The following MAP3K13 variants were observed in gnomAD, a reference collection of about 807,000 sequenced individuals.
MAP3K13 encodes the protein mitogen-activated protein kinase kinase kinase 13.
MAP3K13 carries 52 observed loss-of-function variants against 104.0 expected under a neutral mutation model. That is an observed-to-expected ratio of 0.50 (90% CI 0.40 to 0.63). The LOEUF (loss-of-function observed/expected upper bound fraction) is 0.63. MAP3K13 is among the 20% of genes least tolerant of loss of function. The pLI is 0.00. For synonymous variants in MAP3K13, 394 were observed against 442.2 expected (o/e 0.89, Z 1.37); for missense variants, 914 against 1,218.5 (o/e 0.75, Z 3.72).
At chr3:185,303,729 A>C (rs1179979424) in intron 2 of MAP3K13, among the ~76,000 whole-genome samples, 1 of 151,966 alleles carries the variant, frequency 6.6e-6, no homozygotes, top group African/African-American at 2.4e-5. Flanking sequence ...TAGTCTAGCT[A>C]AGGATTTGTC....
At chr3:185,314,672 A>G (rs1721613481) in intron 2 of MAP3K13, among the ~76,000 whole-genome samples, 1 of 151,928 alleles carries the variant, frequency 6.6e-6, no homozygotes, top group South Asian at 2.1e-4. Flanking sequence ...AAGCTGGAGT[A>G]CAGTGCTGCA....
chr3:185,388,602 A>G (rs944862626), intron 1 of MAP3K13, among the ~76,000 whole-genome samples: 1 of 152,210 alleles, frequency 6.6e-6, no homozygotes, highest in African/African-American at 2.4e-5. Context: ...AAAAATGGCC[A>G]TATTACCCAA....
chr3:185,285,094 A>C (rs2108665622), intron 1 of MAP3K13, among the ~76,000 whole-genome samples: 1 of 152,180 alleles, frequency 6.6e-6, no homozygotes, highest in South Asian at 2.1e-4. Context: ...TAGATGTAAA[A>C]ATCTAAGATG....
chr3:185,292,475 G>A lies in MAP3K13; in HGVS notation c.-86+6832G>A, dbSNP rs530419692. The A allele has an allele frequency of 4.8e-5, 9 of 188,480 alleles. No individual in the cohort carries two copies. In the South Asian group the frequency reaches 1.6e-3, roughly 34 times the overall value. 11.7% of individuals were successfully genotyped at this position (188,480 alleles called of 1,614,324 possible). Reference sequence around the variant, plus strand: ...TTCGTACTAGGTATATGGTAACTGAGAAAGTCACTTAACCTCTCTGAACCT... The same window carrying A: ...TTCGTACTAGGTATATGGTAACTGAAAAAGTCACTTAACCTCTCTGAACCT... On this transcript the variant is annotated intron_variant, in intron 2 of 14. Coordinates refer to the MAP3K13 transcript ENST00000424227.
intron 1 of MAP3K13, among the ~76,000 whole-genome samples, chr3:185,380,270 T>C (rs1315205402): frequency 5.3e-5 from 8 of 150,770 alleles, no homozygotes; most frequent in Non-Finnish European, 1.2e-4. Context: ...CCCAGCACTT[T>C]GGGAAGCCAA....
chr3:185,375,664 G>T (rs540713209), intron 1 of MAP3K13, among the ~76,000 whole-genome samples: 1 of 152,294 alleles, frequency 6.6e-6, no homozygotes, highest in Non-Finnish European at 1.5e-5. Flanking sequence ...AAGTTGGAAC[G>T]CTAGCTGCTT....
chr3:185,308,997 G>A (rs1721401630), intron 2 of MAP3K13, among the ~76,000 whole-genome samples: 1 of 152,078 alleles, frequency 6.6e-6, no homozygotes, highest in Admixed American at 6.6e-5. Flanking sequence ...AATGAGGTCT[G>A]GGGATTCCTA....
chr3:185,411,299 G>A (rs919491006), intron 1 of MAP3K13, among the ~76,000 whole-genome samples: 3 of 152,130 alleles, frequency 2.0e-5, no homozygotes, highest in African/African-American at 4.8e-5. Flanking sequence ...CAGAATGTAC[G>A]TCACAAAACC....
At position 185,418,579 on chromosome 3, in the gene MAP3K13, C is replaced by G. The variant is rs754154458; in HGVS notation, c.-85-9918C>G. 164 of 1,612,226 alleles carry G rather than the reference C, an allele frequency of 1.0e-4. No homozygotes were observed. The highest frequency in any genetic ancestry group is 1.3e-4 in the Non-Finnish European group (151 of 1,179,796). On this transcript the variant is annotated intron_variant, in intron 1 of 13. Coordinates refer to ENST00000265026, the MANE Select transcript of MAP3K13 (RefSeq NM_004721.5). The surrounding 1 kb of genome is among the most constrained non-coding windows in gnomAD (Gnocchi z 4.5). ...TCGAGCCATAGCTCTGCCAGTACCCCAAGACTCAGCACTGGTCTGATGACC... is the reference window on the plus strand; with the variant it reads ...TCGAGCCATAGCTCTGCCAGTACCCGAAGACTCAGCACTGGTCTGATGACC...
chr3:185,374,067 AG>A (rs1438674396), intron 1 of MAP3K13, among the ~76,000 whole-genome samples: 1 of 152,122 alleles, frequency 6.6e-6, no homozygotes, highest in East Asian at 1.9e-4. Flanking sequence ...GAGACTACAA[AG>A]TACATTGATC....
At chr3:185,287,626 A>AT (rs1720571899) in intron 2 of MAP3K13, among the ~76,000 whole-genome samples, 1 of 152,112 alleles carries the variant, frequency 6.6e-6, no homozygotes. Context: ...TTTAATAGAG[A>AT]TTTTATTAGA....
At chr3:185,470,038 T>C (rs1451128725) in intron 10 of MAP3K13, among the ~76,000 whole-genome samples, 2 of 151,946 alleles carry the variant, frequency 1.3e-5, no homozygotes, top group Non-Finnish European at 2.9e-5. Flanking sequence ...ATTGCAGGGG[T>C]AGGAAGGACA....
At chr3:185,429,994 G>A (rs1422403898) in intron 2 of MAP3K13, among the ~76,000 whole-genome samples, 1 of 152,202 alleles carries the variant, frequency 6.6e-6, no homozygotes, top group African/African-American at 2.4e-5. Flanking sequence ...GAGGTCAGGA[G>A]TTCAAGACCA....
At chr3:185,443,686 T>C in intron 4 of MAP3K13, 50 bp downstream of exon 4, 1 of 1,531,158 alleles carries the variant, frequency 6.5e-7, no homozygotes, top group African/African-American at 1.4e-5. Context: ...TGTTTTGAAA[T>C]ACAGAATTTT....
chr3:185,341,851 T>TA (rs1382054990), intron 2 of MAP3K13, among the ~76,000 whole-genome samples: 9 of 152,246 alleles, frequency 5.9e-5, no homozygotes, highest in Non-Finnish European at 1.3e-4. Flanking sequence ...TGGCTGTTTT[T>TA]ACATGACAAC....
intron 2 of MAP3K13, among the ~76,000 whole-genome samples, chr3:185,294,098 C>G (rs939817153): frequency 3.9e-5 from 6 of 152,040 alleles, no homozygotes; most frequent in Admixed American, 3.3e-4. Context: ...GAGAGGCTAT[C>G]GAGAATGTAG....
intron 2 of MAP3K13, among the ~76,000 whole-genome samples, chr3:185,309,716 G>T (rs1258196390): frequency 6.6e-6 from 1 of 152,112 alleles, no homozygotes; most frequent in East Asian, 1.9e-4. Flanking sequence ...ATGGGGGCAG[G>T]GTAGAAGCAA....
chr3:185,311,464 A>G (rs1721493379), intron 2 of MAP3K13, among the ~76,000 whole-genome samples: 1 of 152,170 alleles, frequency 6.6e-6, no homozygotes, highest in Non-Finnish European at 1.5e-5. Context: ...AATGCATGGG[A>G]ATTCTGGGAG....
At chr3:185,461,710 A>G (rs1717115847) in intron 7 of MAP3K13, among the ~76,000 whole-genome samples, 1 of 151,904 alleles carries the variant, frequency 6.6e-6, no homozygotes, top group Non-Finnish European at 1.5e-5. Context: ...TTGCAGGGGC[A>G]GGCCACCACA....
Sources: allele counts gnomAD v4.1 joint callset (sites outside exome capture counted in the v4.1 genomes callset), GRCh38; gene constraint gnomAD v4.1.1; non-coding constraint Gnocchi (gnomAD v3.1); transcripts MANE v1.5; gene names NCBI Gene and HGNC (gene_info 2026-07-23, HGNC 2026-07-21).